Variants in NF1 observed in about 807,000 individuals in gnomAD.
NF1 encodes neurofibromin 1.
A neutral mutation model predicts 325.7 loss-of-function variants in NF1; 122 were observed. That is an observed-to-expected ratio of 0.37 (90% CI 0.32 to 0.44). NF1 has a LOEUF of 0.44. Among genes scored for constraint, NF1 ranks in the 20% least tolerant of loss-of-function variants. The pLI is 1.00. For missense variants in NF1, 2,140 were observed against 3,415.4 expected, an observed-to-expected ratio of 0.63 and a Z score of 9.31; for synonymous variants, 1,091 against 1,186.0, an observed-to-expected ratio of 0.92 and a Z score of 1.65.
intron 13 of NF1, among the ~76,000 whole-genome samples, chr17:31,217,265 T>A (rs2066834160): frequency 6.6e-6 from 1 of 152,078 alleles, no homozygotes; most frequent in African/African-American, 2.4e-5. Flanking sequence ...AAATCTATAG[T>A]TAGCAAAATA....
chr17:31,274,988 C>A (rs542837076), intron 36 of NF1, among the ~76,000 whole-genome samples: 5 of 152,164 alleles, frequency 3.3e-5, no homozygotes, highest in Non-Finnish European at 5.9e-5. Context: ...TTCTCCAACA[C>A]TGGATTTCTC....
intron 3 of NF1, among the ~76,000 whole-genome samples, chr17:31,160,707 G>T (rs1423286964): frequency 6.6e-6 from 1 of 152,162 alleles, no homozygotes; most frequent in Admixed American, 6.5e-5. Context: ...GGGGCGTGGG[G>T]TCATATATTG....
At chr17:31,148,750 T>G (rs1390220377) in intron 1 of NF1, among the ~76,000 whole-genome samples, 2 of 152,128 alleles carry the variant, frequency 1.3e-5, no homozygotes, top group Non-Finnish European at 2.9e-5. Context: ...ATTATTTAGT[T>G]CCTCTCTTTA....
chr17:31,232,903 A>T (rs375921732), intron 26 of NF1, 22 bp downstream of exon 26: 1 of 1,613,980 alleles, frequency 6.2e-7, no homozygotes, highest in African/African-American at 1.3e-5. Context: ...TGAAAGTTTC[A>T]TATAGAAATA....
intron 1 of NF1, among the ~76,000 whole-genome samples, chr17:31,128,260 G>T (rs1047889066): frequency 6.6e-6 from 1 of 151,854 alleles, no homozygotes; most frequent in Non-Finnish European, 1.5e-5. Context: ...CCCCAGGGTT[G>T]TTGCTTCTTT....
At chr17:31,196,628 AT>A (rs34391271) in intron 8 of NF1, among the ~76,000 whole-genome samples, 85,974 of 151,520 alleles carry the variant, frequency 0.57, 26,737 homozygotes, top group Middle Eastern at 0.77. Context: ...TGTTGAAAAT[AT>A]TTTTTTTTCC....
At chr17:31,145,439 G>A (rs1453774476) in intron 1 of NF1, among the ~76,000 whole-genome samples, 1 of 152,134 alleles carries the variant, frequency 6.6e-6, no homozygotes, top group East Asian at 1.9e-4. Context: ...TGATCCGCCC[G>A]CCTCAGCCTC....
intron 1 of NF1, among the ~76,000 whole-genome samples, chr17:31,098,317 C>A (rs1911956156): frequency 6.6e-6 from 1 of 151,722 alleles, no homozygotes; most frequent in African/African-American, 2.4e-5. Context: ...TCCTAAGTAT[C>A]CCATAAAATT....
chr17:31,260,166 A>G (rs1172184508), intron 33 of NF1, among the ~76,000 whole-genome samples: 3 of 152,188 alleles, frequency 2.0e-5, no homozygotes, highest in African/African-American at 4.8e-5. Flanking sequence ...CCTACTTTGA[A>G]GCTGAAGCCG....
chr17:31,297,611 C>T (rs1033079937), intron 36 of NF1: 4 of 152,146 alleles, frequency 2.6e-5, no homozygotes, highest in African/African-American at 9.7e-5. Flanking sequence ...TGACCTTCCT[C>T]ATGGATAGTT....
intron 36 of NF1, among the ~76,000 whole-genome samples, chr17:31,274,624 A>C (rs1022081117): frequency 6.6e-6 from 1 of 152,156 alleles, no homozygotes; most frequent in African/African-American, 2.4e-5. Context: ...TGGCAACCAG[A>C]GTAGATATTA....
intron 8 of NF1, among the ~76,000 whole-genome samples, chr17:31,191,983 A>T (rs2066350259): frequency 6.6e-6 from 1 of 152,098 alleles, no homozygotes. Flanking sequence ...GAATTCGCGG[A>T]ACTTTTTGTA....
At chr17:31,280,834 A>AT (rs541226260) in intron 36 of NF1, among the ~76,000 whole-genome samples, 8,572 of 134,842 alleles carry the variant, frequency 0.064, 662 homozygotes, top group African/African-American at 0.2. Flanking sequence ...TACTTCGGGG[A>AT]TTTTTTTTTT....
At chr17:31,261,885 T>G (rs2067692870) in intron 35 of NF1, 28 bp downstream of exon 35, 2 of 1,611,958 alleles carry the variant, frequency 1.2e-6, no homozygotes, top group Non-Finnish European at 1.7e-6. Context: ...AATAGTTGAT[T>G]GCTTTCTTTT....
intron 36 of NF1, among the ~76,000 whole-genome samples, chr17:31,278,935 G>A (rs1358928699): frequency 6.6e-6 from 1 of 152,082 alleles, no homozygotes; most frequent in Admixed American, 6.6e-5. Flanking sequence ...TTTTAAATAG[G>A]ACTTCTAAAA....
At chr17:31,301,799 G>T (rs908700533) in intron 36 of NF1, among the ~76,000 whole-genome samples, 1 of 152,126 alleles carries the variant, frequency 6.6e-6, no homozygotes, top group Non-Finnish European at 1.5e-5. Flanking sequence ...TGGTCTTCAG[G>T]GTTGTGTCTG....
chr17:31,323,497 C>T (rs2069265611), intron 36 of NF1, among the ~76,000 whole-genome samples: 1 of 152,162 alleles, frequency 6.6e-6, no homozygotes, highest in South Asian at 2.1e-4. Context: ...TCAAGCACCA[C>T]AGTTGATTCT....
chr17:31,206,422 T>C, intron 12 of NF1, 51 bp downstream of exon 12: 4 of 1,607,366 alleles, frequency 2.5e-6, no homozygotes, highest in Non-Finnish European at 3.4e-6. Context: ...TTGCATTTTT[T>C]TTAGTGTCTT....
At chr17:31,233,294 T>G (rs1407477364) in intron 27 of NF1, 81 bp downstream of exon 27, 1 of 1,303,390 alleles carries the variant, frequency 7.7e-7, no homozygotes, top group African/African-American at 1.5e-5. Context: ...AATAAATGTT[T>G]GTTGAATGAA....
Sources: gnomAD v4.1 joint callset for allele counts (sites outside exome capture counted in the v4.1 genomes callset) on GRCh38, gnomAD v4.1.1 for gene constraint, MANE v1.5 for transcripts, NCBI Gene and HGNC (gene_info 2026-07-23, HGNC 2026-07-21) for gene names.